DLGAP1: variants seen among roughly 807,000 people sequenced by gnomAD.
The protein encoded by DLGAP1 is DLG associated protein 1.
In DLGAP1, 11 loss-of-function variants were observed where a neutral mutation model predicts 90.8. The observed-to-expected ratio is 0.12, with a 90% CI of 0.08 to 0.20. DLGAP1 has a LOEUF of 0.20. DLGAP1 is among the 10% of genes least tolerant of loss of function. The pLI is 1.00. For synonymous variants in DLGAP1, 558 were observed against 540.7 expected (o/e 1.03, Z -0.44); for missense variants, 1,050 against 1,333.8 (o/e 0.79, Z 3.31).
intron 1 of DLGAP1, among the ~76,000 whole-genome samples, chr18:4,168,258 G>C (rs1419112367): frequency 6.6e-6 from 1 of 152,114 alleles, no homozygotes; most frequent in Non-Finnish European, 1.5e-5. Flanking sequence ...CTATGAAACA[G>C]AACAGGAAAC....
At chr18:3,596,849 G>A (rs1232208967) in intron 7 of DLGAP1, 1 of 519,996 alleles carries the variant, frequency 1.9e-6, no homozygotes, top group African/African-American at 1.9e-5. Flanking sequence ...GTCATGTCCT[G>A]TCACCAGAGC....
chr18:3,995,965 A>G (rs1201647195), intron 3 of DLGAP1, among the ~76,000 whole-genome samples: 1 of 152,146 alleles, frequency 6.6e-6, no homozygotes, highest in East Asian at 1.9e-4. Flanking sequence ...ACGGAGACAA[A>G]TTACCTAATA....
At chr18:4,296,403 G>C (rs536515477) in intron 1 of DLGAP1, among the ~76,000 whole-genome samples, 13 of 152,144 alleles carry the variant, frequency 8.5e-5, no homozygotes, top group Non-Finnish European at 1.5e-4. Flanking sequence ...GTTAAAGGAG[G>C]GCCACTCTCA....
chr18:3,989,283 C>T (rs2073912077), intron 3 of DLGAP1, among the ~76,000 whole-genome samples: 1 of 152,192 alleles, frequency 6.6e-6, no homozygotes, highest in Non-Finnish European at 1.5e-5. Flanking sequence ...GGAGAAGGTT[C>T]TGAGGGTTCC....
intron 1 of DLGAP1, chr18:4,275,516 T>A (rs916195750): frequency 6.6e-6 from 1 of 152,210 alleles, no homozygotes; most frequent in Non-Finnish European, 1.5e-5. Flanking sequence ...ACACCCTCCA[T>A]AATTTACTTG....
chr18:3,564,731 C>T (rs186490289), intron 9 of DLGAP1, among the ~76,000 whole-genome samples: 3 of 152,254 alleles, frequency 2.0e-5, no homozygotes, highest in African/African-American at 4.8e-5. Flanking sequence ...TTACTGCTTA[C>T]GTTTTCTTAC....
chr18:3,521,930 T>C (rs557769841), intron 10 of DLGAP1, among the ~76,000 whole-genome samples: 3 of 152,324 alleles, frequency 2.0e-5, no homozygotes, highest in Admixed American at 1.3e-4. Context: ...TTTTTAATTA[T>C]AGTGTTGACT....
At chr18:3,511,887 G>T (rs2143895772) in intron 10 of DLGAP1, among the ~76,000 whole-genome samples, 1 of 152,264 alleles carries the variant, frequency 6.6e-6, no homozygotes, top group Middle Eastern at 3.4e-3. Flanking sequence ...AATTCATAAG[G>T]TCTCTTTTCT....
At chr18:3,740,883 TCACAACCACCACTGCCACCCATTACCAA>T (rs2062876823) in intron 6 of DLGAP1, among the ~76,000 whole-genome samples, 1 of 118,996 alleles carries the variant, frequency 8.4e-6, no homozygotes, top group Non-Finnish European at 1.8e-5. Flanking sequence ...ACCGTCACCA[TCACAACCACCACTGCCACCCATTACCAA>T]CACCACCACC....
At chr18:3,650,953 C>A (rs1471972898) in intron 7 of DLGAP1, among the ~76,000 whole-genome samples, 1 of 151,876 alleles carries the variant, frequency 6.6e-6, no homozygotes, top group East Asian at 1.9e-4. Flanking sequence ...GGAATCCCAG[C>A]TATTCGGGAG....
intron 4 of DLGAP1, among the ~76,000 whole-genome samples, chr18:3,832,110 TTGCA>T (rs1276626912): frequency 6.6e-6 from 1 of 152,252 alleles, no homozygotes; most frequent in Non-Finnish European, 1.5e-5. Flanking sequence ...ATGATTACCT[TTGCA>T]TATAGAAATA....
intron 9 of DLGAP1, among the ~76,000 whole-genome samples, chr18:3,548,779 G>GC (rs1397941557): frequency 1.3e-5 from 2 of 152,224 alleles, no homozygotes; most frequent in African/African-American, 4.8e-5. Flanking sequence ...GTTCAGGCCT[G>GC]TAATTCCAGC....
intron 2 of DLGAP1, among the ~76,000 whole-genome samples, chr18:4,026,387 T>C (rs1282740442): frequency 2.0e-5 from 3 of 152,200 alleles, no homozygotes; most frequent in Admixed American, 6.5e-5. Context: ...AAAAGTATAA[T>C]GAAGCCAAAT....
At chr18:4,397,478 T>G (rs1210613851) in intron 1 of DLGAP1, among the ~76,000 whole-genome samples, 1 of 152,232 alleles carries the variant, frequency 6.6e-6, no homozygotes, top group Non-Finnish European at 1.5e-5. Context: ...ATGTTCATCT[T>G]CTTTGAACTG....
chr18:3,862,179 A>G (rs2070109320), intron 4 of DLGAP1, among the ~76,000 whole-genome samples: 1 of 152,202 alleles, frequency 6.6e-6, no homozygotes, highest in Non-Finnish European at 1.5e-5. Flanking sequence ...TGTGGGGTAG[A>G]CAGGAGTCTT....
chr18:3,837,087 T>C (rs1359184026), intron 4 of DLGAP1, among the ~76,000 whole-genome samples: 1 of 152,190 alleles, frequency 6.6e-6, no homozygotes, highest in African/African-American at 2.4e-5. Flanking sequence ...GTTAAGAAAA[T>C]GGCACAGGGA....
At chr18:4,356,427 A>G (rs538281569) in intron 1 of DLGAP1, among the ~76,000 whole-genome samples, 1 of 152,218 alleles carries the variant, frequency 6.6e-6, no homozygotes, top group East Asian at 1.9e-4. Flanking sequence ...AGCTCCAGAT[A>G]CCCCACCAAA....
chr18:3,930,946 C>T (rs768365826), intron 3 of DLGAP1, among the ~76,000 whole-genome samples: 156 of 152,334 alleles, frequency 1.0e-3, no homozygotes, highest in Non-Finnish European at 1.8e-3. Flanking sequence ...AAAATGGCTC[C>T]TATGTTGGCA....
chr18:4,303,776 G>A (rs574989541), intron 1 of DLGAP1, among the ~76,000 whole-genome samples: 16 of 152,116 alleles, frequency 1.1e-4, no homozygotes, highest in Non-Finnish European at 2.1e-4. Flanking sequence ...TAGAGAAATG[G>A]TTCTTAATAT....
Sources: allele counts gnomAD v4.1 joint callset (sites outside exome capture counted in the v4.1 genomes callset), GRCh38; gene constraint gnomAD v4.1.1; transcripts MANE v1.5; gene names NCBI Gene and HGNC (gene_info 2026-07-23, HGNC 2026-07-21).